The following DCBLD1 variants were observed in gnomAD, a reference collection of about 807,000 sequenced individuals.
DCBLD1 encodes discoidin, CUB and LCCL domain-containing protein 1.
In DCBLD1, 57 loss-of-function variants were observed where a neutral mutation model predicts 71.5. The ratio of observed to expected loss-of-function variants is 0.80; its 90% CI spans 0.64 to 0.99. The LOEUF is 0.99. Ranked by LOEUF, DCBLD1 falls within the 50% of genes least tolerant of loss-of-function variation. The probability of loss-of-function intolerance (pLI) is 0.00; values close to 1 mark genes in which losing one functional copy is unlikely to be tolerated. For synonymous variants in DCBLD1, 380 were observed against 363.8 expected (o/e 1.04, Z -0.51); for missense variants, 891 against 923.5 (o/e 0.96, Z 0.46).
At chr6:117,563,304 C>T in intron 14 of DCBLD1, 1 of 1,613,164 alleles carries the variant, frequency 6.2e-7, no homozygotes, top group Non-Finnish European at 8.5e-7. Context: ...AATTTTGAAG[C>T]ACCGTCATCT....
At chr6:117,501,842 C>G (rs1777672124) in intron 1 of DCBLD1, among the ~76,000 whole-genome samples, 1 of 152,198 alleles carries the variant, frequency 6.6e-6, no homozygotes, top group Non-Finnish European at 1.5e-5. Context: ...TCACCTCAAA[C>G]TTAACCAAAC....
At chr6:117,503,441 T>C in intron 1 of DCBLD1, 1 of 291,004 alleles carries the variant, frequency 3.4e-6, no homozygotes, top group Admixed American at 4.8e-5. Context: ...GGCAAATGCA[T>C]GCAAGGCCTG....
chr6:117,502,391 G>A (rs1653883665), intron 1 of DCBLD1, among the ~76,000 whole-genome samples: 1 of 152,206 alleles, frequency 6.6e-6, no homozygotes, highest in Non-Finnish European at 1.5e-5. Flanking sequence ...TGGATAATGG[G>A]TAGATCCTTT....
At chr6:117,569,042 T>C (rs1779754754) in intron 14 of DCBLD1, among the ~76,000 whole-genome samples, 1 of 152,208 alleles carries the variant, frequency 6.6e-6, no homozygotes, top group South Asian at 2.1e-4. Context: ...GAATCTCAAT[T>C]CTATAATTTA....
intron 4 of DCBLD1, among the ~76,000 whole-genome samples, chr6:117,524,598 G>C (rs539001826): frequency 6.6e-6 from 1 of 152,178 alleles, no homozygotes; most frequent in Non-Finnish European, 1.5e-5. Context: ...GTAGCCACTA[G>C]CCACGGGTAC....
At position 117,548,537 on chromosome 6, in the gene DCBLD1, G is replaced by A. The variant is rs891852326; in HGVS notation, c.*98G>A. ...CTGGTCCAGAGTGTGCGTGTGTATC[G>A]GTGTGTGTGTACACTTGCATGTGTG... On this transcript the variant is annotated 3_prime_UTR_variant, in exon 15 of 15. Coordinates refer to ENST00000338728, the MANE Select transcript of DCBLD1 (RefSeq NM_001366458.2). The A allele has an allele frequency of 5.3e-6, 8 of 1,510,924 alleles. No homozygotes were observed. The highest frequency in any genetic ancestry group is 2.6e-5 in the South Asian group (2 of 77,864). 93.6% of individuals were successfully genotyped at this position (1,510,924 alleles called of 1,614,324 possible).
chr6:117,534,247 CAT>C (rs143748540), intron 6 of DCBLD1, among the ~76,000 whole-genome samples: 1 of 152,116 alleles, frequency 6.6e-6, no homozygotes, highest in African/African-American at 2.4e-5. Flanking sequence ...TAAAATTATA[CAT>C]ATATACACAC....
Position 117,549,445 on chromosome 6 carries a change from T to C in DCBLD1, c.*1006T>C, listed in dbSNP as rs1387627395. On this transcript the variant is annotated 3_prime_UTR_variant, in exon 15 of 15. Coordinates refer to ENST00000338728, the MANE Select transcript of DCBLD1 (RefSeq NM_001366458.2). The stretch of plus-strand genomic sequence containing the variant: ...AAATGATTTTCCCCTCAAGGAGGCG[T>C]CTGTAATTCCAGAACAGTCCAGACA... The C allele has an allele frequency of 1.0e-6, 1 of 985,308 alleles. No individual in the cohort carries two copies. Among genetic ancestry groups the C allele is most frequent in the Non-Finnish European group, 1.2e-6 (1 of 829,940 alleles). The allele number at this position is 985,308 out of a possible 1,614,324, so 61.0% of individuals were successfully genotyped here.
At chr6:117,569,511 G>T in intron 14 of DCBLD1, 1 of 1,585,438 alleles carries the variant, frequency 6.3e-7, no homozygotes, top group Non-Finnish European at 8.6e-7. Flanking sequence ...GAAGTATACA[G>T]TGTTCAATAG....
intron 14 of DCBLD1, among the ~76,000 whole-genome samples, chr6:117,555,035 G>A (rs1290181205): frequency 6.6e-6 from 1 of 152,066 alleles, no homozygotes; most frequent in East Asian, 1.9e-4. Flanking sequence ...ATTAGCTGTT[G>A]TTTGAACGTT....
intron 14 of DCBLD1, among the ~76,000 whole-genome samples, chr6:117,558,408 G>A (rs1311130924): frequency 6.6e-6 from 1 of 152,148 alleles, no homozygotes; most frequent in African/African-American, 2.4e-5. Flanking sequence ...CTCCTGGAGA[G>A]TTCCCCTCTC....
chr6:117,491,430 C>T (rs1777289403), intron 1 of DCBLD1, among the ~76,000 whole-genome samples: 1 of 152,174 alleles, frequency 6.6e-6, no homozygotes, highest in Admixed American at 6.5e-5. Flanking sequence ...CCTGTACCTA[C>T]TGTCACTGCC....
intron 14 of DCBLD1, among the ~76,000 whole-genome samples, chr6:117,564,701 T>G (rs1779658617): frequency 6.6e-6 from 1 of 152,192 alleles, no homozygotes; most frequent in Non-Finnish European, 1.5e-5. Flanking sequence ...AGAAGACTTC[T>G]AGCCTCAGTT....
chr6:117,540,825 A>C lies in DCBLD1; in HGVS notation c.1249+10A>C. On this transcript the variant is annotated intron_variant, in intron 10 of 14. Transcript: ENST00000338728. Reference sequence around the variant, plus strand: ...TGCCAGATTACACAAGGTAGGGCTCAGGGCAAGCCAGTGAGTTACTCAAGT... The same window carrying C: ...TGCCAGATTACACAAGGTAGGGCTCCGGGCAAGCCAGTGAGTTACTCAAGT... The C allele has an allele frequency of 2.5e-6, 4 of 1,614,176 alleles. No individual in the cohort carries two copies. Among genetic ancestry groups the C allele is most frequent in the African/African-American group, 1.3e-5 (1 of 75,058 alleles).
At chr6:117,549,858 A>G (rs1348916384), downstream of DCBLD1, 13 of 985,328 alleles carry the variant, frequency 1.3e-5, no homozygotes, top group Admixed American at 1.2e-4. Context: ...CTCAAGGTTC[A>G]GCTTCTGTAA....
chr6:117,559,076 T>G (rs1034323681), intron 14 of DCBLD1, among the ~76,000 whole-genome samples: 1 of 152,170 alleles, frequency 6.6e-6, no homozygotes, highest in Non-Finnish European at 1.5e-5. Flanking sequence ...CTAGATAAAC[T>G]ATACTCACCA....
rs879838034 is a variant in DCBLD1, at chr6:117,482,842, G to A, written c.61G>A (p.Ala21Thr). The change falls in exon 1 of 15, where the codon GCT becomes ACT. Residue 21 changes from alanine to threonine, a missense_variant. Coordinates refer to ENST00000338728, the MANE Select transcript of DCBLD1 (RefSeq NM_001366458.2). Reference sequence around the variant, plus strand: ...GCGGGCTGCCGGGCGGGGCCTCCTGGCTTTGCTGCTCGCGGTCTCCGCCCC... The same window carrying A: ...GCGGGCTGCCGGGCGGGGCCTCCTGACTTTGCTGCTCGCGGTCTCCGCCCC... ...LARAAGRGLL[A>T]LLLAVSAPLR... 37 of 1,180,516 alleles carry A rather than the reference G, an allele frequency of 3.1e-5. No individual in the cohort carries two copies. The highest frequency in any genetic ancestry group is 3.7e-5 in the Non-Finnish European group (35 of 955,800). 73.1% of individuals were successfully genotyped at this position (1,180,516 alleles called of 1,614,324 possible). A position where few individuals can be genotyped will look rare whatever the true frequency, so the allele number is the denominator to read the frequency against.
chr6:117,545,557 G>C lies in DCBLD1; in HGVS notation c.1575G>C (p.Glu525Asp). 6.2e-7 allele frequency: 1 copy of C among 1,614,152 alleles called. No individual in the cohort carries two copies. The highest frequency in any genetic ancestry group is 8.5e-7 in the Non-Finnish European group (1 of 1,180,008). Reference sequence around the variant, plus strand: ...CCATCAGCTATGATAATGAGAAGGAGATGACACAAAAGTTAGATCTCATCA... The same window carrying C: ...CCATCAGCTATGATAATGAGAAGGACATGACACAAAAGTTAGATCTCATCA... ...EFTISYDNEKEMTQKLDLITS... is the reference protein window; with the variant it reads ...EFTISYDNEKDMTQKLDLITS... Residue 525 changes from glutamate (E) to aspartate (D), a missense_variant, in exon 14 of 15, where the codon GAG (glutamate) becomes GAC (aspartate). Glu to Asp is a conservative substitution (Grantham distance 45). Coordinates refer to ENST00000338728, the MANE Select transcript of DCBLD1 (RefSeq NM_001366458.2).
rs1779376079 is a variant in DCBLD1, at chr6:117,549,124, C to T, written c.*685C>T. 3 of 985,778 alleles carry T rather than the reference C, an allele frequency of 3.0e-6. No homozygotes were observed. The South Asian group carries it at 1.4e-4, about 46-fold the overall frequency. 61.1% of individuals were successfully genotyped at this position (985,778 alleles called of 1,614,324 possible). ...CAGCTGCCCGTTTCCTTAGTCTCCA[C>T]TTCAGAGGGGGATGCGAAGAGGTCG... On this transcript the variant is annotated 3_prime_UTR_variant, in exon 15 of 15. Transcript: ENST00000338728.
Sources: gnomAD v4.1 joint callset for allele counts (sites outside exome capture counted in the v4.1 genomes callset) on GRCh38, gnomAD v4.1.1 for gene constraint, MANE v1.5 for transcripts, NCBI Gene and HGNC (gene_info 2026-07-23, HGNC 2026-07-21) for gene names.